The following LHFPL1 variants were observed in gnomAD, a reference collection of about 807,000 sequenced individuals.
LHFPL1 encodes LHFPL tetraspan subfamily member 1 protein.
A neutral mutation model predicts 12.1 loss-of-function variants in LHFPL1; 4 were observed. The ratio of observed to expected loss-of-function variants is 0.33; its 90% confidence interval spans 0.16 to 0.76. The LOEUF is 0.76. Among genes scored for constraint, LHFPL1 ranks in the 30% least tolerant of loss-of-function variants. The probability of loss-of-function intolerance (pLI) is 0.61; values close to 1 mark genes in which losing one functional copy is unlikely to be tolerated. For missense variants in LHFPL1, 141 were observed against 174.1 expected (o/e 0.81, Z 1.07); for synonymous variants, 52 against 61.9 (o/e 0.84, Z 0.75).
intron 1 of LHFPL1, among the ~76,000 whole-genome samples, chrX:112,677,471 C>A (rs1412555099): frequency 9.0e-6 from 1 of 110,847 alleles, no homozygotes; most frequent in East Asian, 2.8e-4. Context: ...CCTGCCAATC[C>A]TGTTACAAAT....
intron 1 of LHFPL1, among the ~76,000 whole-genome samples, chrX:112,672,008 C>T (rs973740111): frequency 7.2e-5 from 8 of 111,283 alleles, no homozygotes; most frequent in South Asian, 3.8e-4. Context: ...TGTGTTAGTG[C>T]GCGCTTTTCA....
At chrX:112,676,811 C>T (rs1445705075) in intron 1 of LHFPL1, among the ~76,000 whole-genome samples, 8 of 111,896 alleles carry the variant, frequency 7.1e-5, no homozygotes, top group Admixed American at 5.7e-4. Flanking sequence ...TTGTTATATG[C>T]CTTTATAAAC....
At position 112,631,038 on chromosome X, in the gene LHFPL1, A is replaced by G. The variant is rs5929415; in HGVS notation, c.*382T>C. 7,197 of 122,741 alleles carry G rather than the reference A, an allele frequency of 0.059. 197 individuals carry two copies. Among genetic ancestry groups the G allele is most frequent in the Middle Eastern group, 0.12 (29 of 243 alleles). 10.1% of individuals were successfully genotyped at this position (122,741 alleles called of 1,213,427 possible). A position where few individuals can be genotyped will look rare whatever the true frequency, so the allele number is the denominator to read the frequency against. The stretch of plus-strand genomic sequence containing the variant: ...CAGAGATGTTTGGGGGTGACAATAA[A>G]TACTTGGGAATGAACTGATGAACTG... On this transcript the variant is annotated 3_prime_UTR_variant, in exon 4 of 4. Transcript: ENST00000371968.
chrX:112,655,871 G>A (rs1462938402), intron 3 of LHFPL1, among the ~76,000 whole-genome samples: 1 of 111,755 alleles, frequency 8.9e-6, no homozygotes, highest in African/African-American at 3.2e-5. Context: ...ACTCAGCCCA[G>A]AACTACTCAT....
chrX:112,673,906 T>C (rs748300637), intron 1 of LHFPL1, among the ~76,000 whole-genome samples: 10 of 111,849 alleles, frequency 8.9e-5, no homozygotes, highest in Admixed American at 4.7e-4. Flanking sequence ...AGGGCAAGTA[T>C]ATAATTTCTT....
At chrX:112,641,485 G>C (rs1930506492) in intron 3 of LHFPL1, among the ~76,000 whole-genome samples, 1 of 111,531 alleles carries the variant, frequency 9.0e-6, no homozygotes, top group Non-Finnish European at 1.9e-5. Context: ...ACAGGGAACT[G>C]TGCTAGAAAT....
At chrX:112,679,107 T>C (rs1931734422) in intron 1 of LHFPL1, among the ~76,000 whole-genome samples, 3 of 110,902 alleles carry the variant, frequency 2.7e-5, no homozygotes, top group Non-Finnish European at 5.7e-5. Context: ...ATTTAGAACA[T>C]CTCTCCTTTC....
chrX:112,653,956 G>A lies in LHFPL1; in HGVS notation c.481+6671C>T, dbSNP rs182111663. ...CAGATTAAAAGAAGATACCAGAGTGGAAGAAACTGAAATGTTGACAATCCA... is the reference window on the plus strand; with the variant it reads ...CAGATTAAAAGAAGATACCAGAGTGAAAGAAACTGAAATGTTGACAATCCA... On this transcript the variant is annotated intron_variant, in intron 3 of 3. Transcript: ENST00000371968. Among the ~76,000 whole-genome samples the A allele has an allele frequency of 7.2e-3, 811 of 112,126 alleles. 8 individuals carry two copies. The highest frequency in any genetic ancestry group is 0.013 in the Non-Finnish European group (686 of 53,176).
intron 1 of LHFPL1, 167 bp from the exon 2 acceptor site, chrX:112,671,571 C>T (rs1931509201): frequency 9.3e-7 from 1 of 1,079,719 alleles, no homozygotes; most frequent in African/African-American, 1.9e-5. Flanking sequence ...CATTTGGATC[C>T]CTGTGGGATT....
At position 112,645,150 on chromosome X, in the gene LHFPL1, G is replaced by A. The variant is rs766561595; in HGVS notation, c.482-13549C>T. ...AGACCTAGGCTGCTACTAATAGCAAGTTACATATAATGCAGCCTATTGTGC... is the reference window on the plus strand; with the variant it reads ...AGACCTAGGCTGCTACTAATAGCAAATTACATATAATGCAGCCTATTGTGC... On this transcript the variant is annotated intron_variant, in intron 3 of 3. Transcript: ENST00000371968. Among the ~76,000 whole-genome samples, 4 of 112,368 alleles carry A rather than the reference G, an allele frequency of 3.6e-5. No homozygotes were observed. The Admixed American group carries it at 3.7e-4, about 11-fold the overall frequency.
chrX:112,662,841 T>C (rs978847093), intron 2 of LHFPL1, among the ~76,000 whole-genome samples: 13 of 111,817 alleles, frequency 1.2e-4, no homozygotes, highest in African/African-American at 3.6e-4. Flanking sequence ...AGGACAAAAG[T>C]AGAAATGAAA....
intron 2 of LHFPL1, among the ~76,000 whole-genome samples, chrX:112,667,631 CAG>C (rs1002544847): frequency 5.3e-5 from 6 of 112,421 alleles, no homozygotes; most frequent in African/African-American, 1.9e-4. Flanking sequence ...TATGTATAAA[CAG>C]GGGAATGTGA....
At chrX:112,633,790 G>A (rs2074461866) in intron 3 of LHFPL1, among the ~76,000 whole-genome samples, 1 of 112,057 alleles carries the variant, frequency 8.9e-6, no homozygotes, top group African/African-American at 3.2e-5. Context: ...GGCTCAGAAA[G>A]AGCAAATTTG....
intron 3 of LHFPL1, among the ~76,000 whole-genome samples, chrX:112,654,565 TA>T (rs1252156449): frequency 1.8e-5 from 2 of 110,059 alleles, no homozygotes; most frequent in Non-Finnish European, 3.8e-5. Context: ...TTATATTTAT[TA>T]AAAATTATAT....
intron 3 of LHFPL1, among the ~76,000 whole-genome samples, chrX:112,655,315 T>C (rs59620146): frequency 0.1 from 11,141 of 111,837 alleles, 1,356 homozygotes; most frequent in African/African-American, 0.34. Flanking sequence ...AGCTTCTCTA[T>C]GGGAAAAGTA....
intron 3 of LHFPL1, among the ~76,000 whole-genome samples, chrX:112,636,477 A>C (rs1336790357): frequency 8.9e-6 from 1 of 112,180 alleles, no homozygotes; most frequent in Non-Finnish European, 1.9e-5. Flanking sequence ...TTGATGACTA[A>C]AAGATTAGCC....
chrX:112,675,458 G>A (rs1372799056), intron 1 of LHFPL1, among the ~76,000 whole-genome samples: 3 of 111,201 alleles, frequency 2.7e-5, no homozygotes, highest in African/African-American at 9.8e-5. Context: ...ATCAACTACT[G>A]TCACCATGAT....
chrX:112,654,783 T>C (rs995716861), intron 3 of LHFPL1, among the ~76,000 whole-genome samples: 3 of 111,419 alleles, frequency 2.7e-5, no homozygotes, highest in Non-Finnish European at 3.8e-5. Flanking sequence ...TGGTTTGGCA[T>C]TTTTCTGGTT....
intron 1 of LHFPL1, among the ~76,000 whole-genome samples, chrX:112,676,524 A>C (rs1275494287): frequency 8.9e-6 from 1 of 112,121 alleles, no homozygotes; most frequent in Non-Finnish European, 1.9e-5. Context: ...GATGCAGTGG[A>C]TGTTGCCAGA....
Sources: allele counts gnomAD v4.1 joint callset (sites outside exome capture counted in the v4.1 genomes callset), GRCh38; gene constraint gnomAD v4.1.1; transcripts MANE v1.5; gene names NCBI Gene and HGNC (gene_info 2026-07-23, HGNC 2026-07-21).